RIPK4: variants seen among roughly 807,000 people sequenced by gnomAD.
The protein encoded by RIPK4 is receptor interacting serine/threonine kinase 4.
A neutral mutation model predicts 42.9 loss-of-function variants in RIPK4; 17 were observed. The ratio of observed to expected loss-of-function variants is 0.40; its 90% confidence interval spans 0.27 to 0.59. RIPK4 has a LOEUF of 0.59. Among genes scored for constraint, RIPK4 ranks in the 20% least tolerant of loss-of-function variants. The pLI, the probability that RIPK4 is intolerant of heterozygous loss-of-function variation, is 0.47. For missense variants in RIPK4, 897 were observed against 1,104.4 expected (o/e 0.81, Z 2.66); for synonymous variants, 498 against 499.1 (o/e 1.00, Z 0.03).
At position 41,745,823 on chromosome 21, in the gene RIPK4, T is replaced by C; in HGVS notation, c.872A>G (p.Asp291Gly). Residue 291 changes from aspartate (D) to glycine (G), a missense_variant, in exon 6 of 8, where the codon GAT (aspartate) becomes GGT (glycine). By Grantham distance (94) the Asp-to-Gly change is moderately conservative (BLOSUM62 -1). Transcript: ENST00000332512. Reference protein sequence around the residue: ...SETEDLCEKPDDEVKETAHDL... With the variant: ...SETEDLCEKPGDEVKETAHDL... ...ATGAGCAGTTTCTTTCACTTCGTCATCAGGCTTTTCACACAGGTCCTCGGT... is the reference window on the plus strand; with the variant it reads ...ATGAGCAGTTTCTTTCACTTCGTCACCAGGCTTTTCACACAGGTCCTCGGT... The C allele has an allele frequency of 6.2e-7, 1 of 1,614,256 alleles. No homozygotes were observed. Among genetic ancestry groups the C allele is most frequent in the African/African-American group, 1.3e-5 (1 of 75,070 alleles).
intron 1 of RIPK4, among the ~76,000 whole-genome samples, chr21:41,765,124 G>A (rs908200511): frequency 1.3e-5 from 2 of 152,204 alleles, no homozygotes; most frequent in African/African-American, 4.8e-5. Flanking sequence ...TGGTGAGTCA[G>A]TCCAGGTAGG....
rs2061201812 is a variant in RIPK4 at position 41,755,878 on chromosome 21, C to T, written c.474+647G>A. On this transcript the variant is annotated intron_variant, in intron 2 of 7. Transcript: ENST00000332512. This position sits in a 1 kb window ranked among gnomAD's most constrained non-coding sequence, Gnocchi z 4.2. The stretch of plus-strand genomic sequence containing the variant: ...GTGATGATGCTAACACCTGCCAAGG[C>T]CCAGAGGCAACACTGGTTTTCAGTT... Among the ~76,000 whole-genome samples, 1 of 152,246 alleles carries T rather than the reference C, an allele frequency of 6.6e-6. No homozygotes were observed. The highest frequency in any genetic ancestry group is 1.5e-5 in the Non-Finnish European group (1 of 68,036).
intron 5 of RIPK4, chr21:41,746,158 A>T (rs750601109): frequency 1.5e-6 from 1 of 663,262 alleles, no homozygotes; most frequent in East Asian, 3.0e-5. Flanking sequence ...TGAGCTCCCC[A>T]TTCAGCCCGT....
In RIPK4 at chr21:41,758,041, TAGAGAG is replaced by T. The variant is rs71188681; in HGVS notation, c.183-1231_183-1226del. The stretch of plus-strand genomic sequence containing the variant: ...AAAAAAATATATATATATATATATA[TAGAGAG>T]AGAGAGAGAGAGAGAGAGAGAGAGA... On this transcript the variant is annotated intron_variant, in intron 1 of 7. Transcript: ENST00000332512. Among the ~76,000 whole-genome samples, 558 of 58,428 alleles carry T rather than the reference TAGAGAG, an allele frequency of 9.6e-3. 21 individuals carry two copies. Among genetic ancestry groups the T allele is most frequent in the African/African-American group, 0.044 (431 of 9,854 alleles). The allele number at this position is 58,428 out of a possible 152,430, so 38.3% of individuals were successfully genotyped here. A position where few individuals can be genotyped will look rare whatever the true frequency, so the allele number is the denominator to read the frequency against.
At chr21:41,754,547 G>C (rs1210576426) in intron 2 of RIPK4, among the ~76,000 whole-genome samples, 2 of 152,130 alleles carry the variant, frequency 1.3e-5, no homozygotes, top group African/African-American at 4.8e-5. Context: ...GGCAGCATCC[G>C]CCCCCTGCAG....
At chr21:41,757,998 C>CCAAAAAAAAAAAAAA (rs1479763213) in intron 1 of RIPK4, among the ~76,000 whole-genome samples, 4 of 13,082 alleles carry the variant, frequency 3.1e-4, no homozygotes, top group African/African-American at 1.7e-3. Flanking sequence ...GACTCCATAA[C>CCAAAAAAAAAAAAAA]AAAAAAAAAA....
chr21:41,750,997 G>C, intron 3 of RIPK4, 100 bp downstream of exon 3: 3 of 1,449,532 alleles, frequency 2.1e-6, no homozygotes, highest in Non-Finnish European at 2.8e-6. Context: ...TTTCTGACTG[G>C]CAGCAAGAGG....
chr21:41,766,001 T>C (rs1463567250), intron 1 of RIPK4, among the ~76,000 whole-genome samples: 1 of 152,378 alleles, frequency 6.6e-6, no homozygotes, highest in South Asian at 2.1e-4. Flanking sequence ...CTTTGTTACC[T>C]TGAACACTCC....
At position 41,755,500 on chromosome 21, in the gene RIPK4, G is replaced by A. The variant is rs1345800895; in HGVS notation, c.474+1025C>T. Among the ~76,000 whole-genome samples, 1 of 152,164 alleles carries A rather than the reference G, an allele frequency of 6.6e-6. No homozygotes were observed. The highest frequency in any genetic ancestry group is 1.5e-5 in the Non-Finnish European group (1 of 68,024). On this transcript the variant is annotated intron_variant, in intron 2 of 7. Coordinates refer to ENST00000332512, the MANE Select transcript of RIPK4 (RefSeq NM_020639.3). This position sits in a 1 kb window ranked among gnomAD's most constrained non-coding sequence, Gnocchi z 4.2. ...ACCCAAGAGCTCAGGGGCAGGGCCG[G>A]GCCCTGAATTCAGGTCTCTCCTAAT...
Position 41,756,731 on chromosome 21 carries a change from C to T in RIPK4, c.268G>A (p.Glu90Lys), listed in dbSNP as rs764580241. The change falls in exon 2 of 8, where the codon GAA becomes AAA. Residue 90 changes from glutamate (E) to lysine (K), a missense_variant. Transcript: ENST00000332512. The part of the protein sequence containing the change: ...YILPVYGICR[E>K]PVGLVMEYME... ...TACTCCATGACCAGGCCGACAGGTTCGCGGCAGATGCCATACACAGGCAGG... is the reference window on the plus strand; with the variant it reads ...TACTCCATGACCAGGCCGACAGGTTTGCGGCAGATGCCATACACAGGCAGG... 39 of 1,614,106 alleles carry T rather than the reference C, an allele frequency of 2.4e-5. No homozygotes were observed. Among genetic ancestry groups the T allele is most frequent in the Non-Finnish European group, 3.0e-5 (35 of 1,180,052 alleles).
rs929062200 is a variant in RIPK4 at position 41,741,133 on chromosome 21, T to C, written c.2060A>G (p.Lys687Arg). The part of the protein sequence containing the change: ...AARNGHLATV[K>R]LLVEEKADVL... ...ATCGGCCTTCTCCTCGACAAGCAGC[T>C]TGACAGTGGCCAGGTGTCCGTTGCG... Residue 687 changes from lysine (K) to arginine (R), a missense_variant, in exon 8 of 8, where the codon AAG becomes AGG. Physicochemically the swap from Lys to Arg is conservative, Grantham distance 26. Transcript: ENST00000332512. The C allele has an allele frequency of 6.2e-7, 1 of 1,612,778 alleles. No individual in the cohort carries two copies. The highest frequency in any genetic ancestry group is 8.5e-7 in the Non-Finnish European group (1 of 1,179,864).
chr21:41,759,700 C>T (rs763614821), intron 1 of RIPK4, among the ~76,000 whole-genome samples: 2 of 152,222 alleles, frequency 1.3e-5, no homozygotes, highest in African/African-American at 4.8e-5. Flanking sequence ...CCCATTTCCT[C>T]GCCTGCTGGT....
At position 41,747,708 on chromosome 21, in the gene RIPK4, A is replaced by G. The variant is rs2061176227; in HGVS notation, c.674-937T>C. Among the ~76,000 whole-genome samples the G allele has an allele frequency of 2.0e-5, 3 of 152,354 alleles. No individual in the cohort carries two copies. The South Asian group carries it at 6.2e-4, about 32-fold the overall frequency. On this transcript the variant is annotated intron_variant, in intron 4 of 7. Coordinates refer to ENST00000332512, the MANE Select transcript of RIPK4 (RefSeq NM_020639.3). The stretch of plus-strand genomic sequence containing the variant: ...GCAGGCTATTTCCATGATTATTCAG[A>G]CTTCAAAACCAACAGCTCCTCTAAA...
In RIPK4 at chr21:41,740,935, G is replaced by A; in HGVS notation, c.2258C>T (p.Thr753Ile). 6.2e-7 allele frequency: 1 copy of A among 1,612,630 alleles called. No individual in the cohort carries two copies. ...GATGTGGGCCCCATGCCTGAGCAGA[G>A]TCTCCACCGTCTGTGCGTGCCGGCC... ...AQGRHAQTVETLLRHGAHINL... is the reference protein window; with the variant it reads ...AQGRHAQTVEILLRHGAHINL... Residue 753 changes from threonine (T) to isoleucine (I), a missense_variant, in exon 8 of 8, where the codon ACT (threonine) becomes ATT (isoleucine). By Grantham distance (89) the Thr-to-Ile change is moderately conservative. Coordinates refer to ENST00000332512, the MANE Select transcript of RIPK4 (RefSeq NM_020639.3).
intron 4 of RIPK4, among the ~76,000 whole-genome samples, chr21:41,747,640 CTTTCCCA>C (rs1281626903): frequency 6.6e-6 from 1 of 152,344 alleles, no homozygotes; most frequent in East Asian, 1.9e-4. Flanking sequence ...TTTTGCTCCA[CTTTCCCA>C]TTAAATCTTG....
In RIPK4 at chr21:41,742,378, G is replaced by T. The variant is rs979053206; in HGVS notation, c.1196-381C>A. 3.9e-5 allele frequency among the ~76,000 whole-genome samples: 6 copies of T among 152,240 alleles called. No individual in the cohort carries two copies. Among genetic ancestry groups the T allele is most frequent in the African/African-American group, 1.4e-4 (6 of 41,460 alleles). ...GGCCAGAGCTCCCATTCGCCTGGAAGCCTTGGCACCTGCCACCCACGGACG... is the reference window on the plus strand; with the variant it reads ...GGCCAGAGCTCCCATTCGCCTGGAATCCTTGGCACCTGCCACCCACGGACG... On this transcript the variant is annotated intron_variant, in intron 7 of 7. Coordinates refer to ENST00000332512, the MANE Select transcript of RIPK4 (RefSeq NM_020639.3). This position sits in a 1 kb window ranked among gnomAD's most constrained non-coding sequence, Gnocchi z 5.1.
chr21:41,750,577 T>C (rs1013883070), intron 3 of RIPK4, among the ~76,000 whole-genome samples: 1 of 152,102 alleles, frequency 6.6e-6, no homozygotes, highest in Non-Finnish European at 1.5e-5. Context: ...CTGGCCCAAA[T>C]GTGGACCTGG....
chr21:41,740,485 C>T lies in RIPK4; in HGVS notation c.*353G>A. 1 of 256,758 alleles carries T rather than the reference C, an allele frequency of 3.9e-6. No homozygotes were observed. The highest frequency in any genetic ancestry group is 7.4e-6 in the Non-Finnish European group (1 of 135,898). 15.9% of individuals were successfully genotyped at this position (256,758 alleles called of 1,614,324 possible). A position where few individuals can be genotyped will look rare whatever the true frequency, so the allele number is the denominator to read the frequency against. ...TCAAGACTGGTGAGCTCCAGCAACC[C>T]AAGGTGGCTCGCCTCAGGAGAGAGT... On this transcript the variant is annotated 3_prime_UTR_variant, in exon 8 of 8. Transcript: ENST00000332512.
intron 1 of RIPK4, among the ~76,000 whole-genome samples, chr21:41,762,951 C>T (rs954098854): frequency 7.0e-6 from 1 of 143,232 alleles, no homozygotes; most frequent in African/African-American, 2.6e-5. Flanking sequence ...CCCCTCTCGT[C>T]GGTGTTAATT....
Sources: allele counts gnomAD v4.1 joint callset (sites outside exome capture counted in the v4.1 genomes callset), GRCh38; gene constraint gnomAD v4.1.1; non-coding constraint Gnocchi (gnomAD v3.1); transcripts MANE v1.5; gene names NCBI Gene and HGNC (gene_info 2026-07-23, HGNC 2026-07-21).